MMS19: variants seen among roughly 807,000 people sequenced by gnomAD.
MMS19 encodes the protein MMS19 cytosolic iron-sulfur assembly component, also known as MMS19 nucleotide excision repair protein homolog.
Under a neutral mutation model 129.8 loss-of-function variants are expected in MMS19, and 77 were observed. The observed-to-expected ratio is 0.59, with a 90% CI of 0.49 to 0.72. MMS19 has a LOEUF of 0.72. MMS19 is among the 30% of genes least tolerant of loss of function. The pLI is 0.00. For synonymous variants in MMS19, 491 were observed against 502.8 expected, an observed-to-expected ratio of 0.98 and a Z score of 0.31; for missense variants, 1,168 against 1,266.3, an observed-to-expected ratio of 0.92 and a Z score of 1.18.
chr10:97,459,959 A>T, intron 26 of MMS19, 87 bp downstream of exon 26: 1 of 1,415,854 alleles, frequency 7.1e-7, no homozygotes, highest in Non-Finnish European at 9.8e-7. Context: ...GCTCTAAAGA[A>T]GCAAGCGGGC....
chr10:97,477,380 T>C lies in MMS19; in HGVS notation c.460A>G (p.Ile154Val), dbSNP rs750820218. Residue 154 changes from isoleucine to valine, a missense_variant, in exon 6 of 31, where the codon ATC (isoleucine) becomes GTC (valine). Transcript: ENST00000438925. ...PQVDRHTVYN[I>V]ITNFMRTREE... ...CGGGTTCGCATAAAATTGGTGATGA[T>C]ATTGTAGACTGTGTGTCGGTCCACC... The C allele has an allele frequency of 5.6e-6, 9 of 1,613,918 alleles. No homozygotes were observed. The South Asian group carries it at 8.8e-5, about 16-fold the overall frequency.
Position 97,465,891 on chromosome 10 carries a change from T to C in MMS19, c.1670A>G (p.Gln557Arg), listed in dbSNP as rs141183437. The change falls in exon 18 of 31, where the codon CAA becomes CGA. Residue 557 changes from glutamine (Q) to arginine (R), a missense_variant. By Grantham distance (43) the Gln-to-Arg change is conservative (BLOSUM62 1). Around this residue, in one of 3 missense-constraint regions of MMS19, gnomAD observed 831 missense variants for 910.8 expected, o/e 0.91. Coordinates refer to ENST00000438925, the MANE Select transcript of MMS19 (RefSeq NM_022362.5). The part of the protein sequence containing the change: ...TQCSRHLCCL[Q>R]ALSAVSTHPS... Reference sequence around the variant, plus strand: ...ATGTGTTGATACAGCTGACAAGGCTTGCAGACAGCACAGATGCCGGGAGCA... The same window carrying C: ...ATGTGTTGATACAGCTGACAAGGCTCGCAGACAGCACAGATGCCGGGAGCA... The C allele has an allele frequency of 5.6e-6, 9 of 1,613,832 alleles. No individual in the cohort carries two copies. The highest frequency in any genetic ancestry group is 1.7e-5 in the Admixed American group (1 of 59,994).
intron 3 of MMS19, chr10:97,480,215 C>A: frequency 2.2e-6 from 1 of 457,276 alleles, no homozygotes; most frequent in Non-Finnish European, 4.5e-6. Context: ...TCAGACACCG[C>A]CTCCTCCAGC....
In MMS19 at chr10:97,476,924, A is replaced by G. The variant is rs757987962; in HGVS notation, c.533T>C (p.Ile178Thr). ...SLGADFTFGF[I>T]QVMDGEKDPR... ...ATCCTTTTCCCCATCCATCACCTGG[A>G]TGAAGCCAAAGGTGAAGTCAGCTCC... Residue 178 changes from isoleucine to threonine, a missense_variant, in exon 7 of 31, where the codon ATC (isoleucine) becomes ACC (threonine). Physicochemically the swap from Ile to Thr is moderately conservative, Grantham distance 89 (BLOSUM62 -1). Transcript: ENST00000438925. The G allele has an allele frequency of 4.3e-6, 7 of 1,613,916 alleles. No homozygotes were observed. Among genetic ancestry groups the G allele is most frequent in the Non-Finnish European group, 5.9e-6 (7 of 1,179,826 alleles).
chr10:97,477,235 C>T, intron 6 of MMS19, 112 bp downstream of exon 6: 1 of 1,571,124 alleles, frequency 6.4e-7, no homozygotes, highest in Non-Finnish European at 8.6e-7. Flanking sequence ...TTATCATTCT[C>T]TCTCAGGATA....
At chr10:97,487,697 C>T (rs1240517751) in intron 1 of MMS19, among the ~76,000 whole-genome samples, 1 of 151,922 alleles carries the variant, frequency 6.6e-6, no homozygotes, top group Non-Finnish European at 1.5e-5. Flanking sequence ...AGATTTTCTA[C>T]AAGGCAAAAA....
intron 1 of MMS19, among the ~76,000 whole-genome samples, chr10:97,492,790 C>G (rs1019793892): frequency 6.8e-6 from 1 of 146,324 alleles, no homozygotes; most frequent in Non-Finnish European, 1.5e-5. Context: ...ACCCAGGAGG[C>G]TAAAGTTGCA....
intron 27 of MMS19, 60 bp downstream of exon 27, chr10:97,459,598 AG>A: frequency 6.3e-7 from 1 of 1,599,558 alleles, no homozygotes; most frequent in Non-Finnish European, 8.5e-7. Context: ...TCCCCTTTCT[AG>A]CCCCATCTGG....
Position 97,467,487 on chromosome 10 carries a change from A to G in MMS19, c.1297+18T>C. The G allele has an allele frequency of 6.3e-7, 1 of 1,594,650 alleles. No individual in the cohort carries two copies. The highest frequency in any genetic ancestry group is 8.6e-7 in the Non-Finnish European group (1 of 1,162,468). The stretch of plus-strand genomic sequence containing the variant: ...TGTTCAACAGTCCCCAGAGCACTGC[A>G]ATGGAAGGCAACCTCACCTTTGTCT... On this transcript the variant is annotated intron_variant, in intron 14 of 30. Transcript: ENST00000438925.
chr10:97,469,476 C>T (rs1239557026), intron 11 of MMS19, among the ~76,000 whole-genome samples, 170 bp downstream of exon 11: 2 of 152,192 alleles, frequency 1.3e-5, no homozygotes, highest in Admixed American at 6.5e-5. Flanking sequence ...CATAGGGACT[C>T]TCTCTCTTGT....
chr10:97,491,638 G>A (rs940024563), intron 1 of MMS19, among the ~76,000 whole-genome samples: 2 of 152,128 alleles, frequency 1.3e-5, no homozygotes, highest in African/African-American at 2.4e-5. Flanking sequence ...GCGATAGAGC[G>A]AGACTCCGTC....
At chr10:97,496,945 T>G (rs2039909949) in intron 1 of MMS19, among the ~76,000 whole-genome samples, 1 of 152,334 alleles carries the variant, frequency 6.6e-6, no homozygotes, top group Non-Finnish European at 1.5e-5. Context: ...AGTGATGTGC[T>G]CCTTATAAAA....
Position 97,464,010 on chromosome 10 carries a change from T to G in MMS19, c.1760A>C (p.Asn587Thr). ...LQHLWQVNRGNMVAQSSDVIA... is the reference protein window; with the variant it reads ...LQHLWQVNRGTMVAQSSDVIA... ...AACGTCACTGGATTGTGCAACCATA[T>G]TCCCTGTTGATGAGAAAGTGTTCTC... The change falls in exon 19 of 31, where the codon AAT (asparagine) becomes ACT (threonine). Residue 587 changes from asparagine (N) to threonine (T), a missense_variant. Asn to Thr is a moderately conservative substitution (Grantham distance 65). Coordinates refer to ENST00000438925, the MANE Select transcript of MMS19 (RefSeq NM_022362.5). The G allele has an allele frequency of 6.2e-7, 1 of 1,612,272 alleles. No homozygotes were observed. The highest frequency in any genetic ancestry group is 8.5e-7 in the Non-Finnish European group (1 of 1,179,168).
chr10:97,484,183 A>AT (rs2135472488), intron 1 of MMS19, 32 bp from the exon 2 acceptor site: 1 of 1,378,536 alleles, frequency 7.3e-7, no homozygotes, highest in South Asian at 1.4e-5. Flanking sequence ...AATATGAAAA[A>AT]TAAAAAAAAA....
intron 24 of MMS19, 33 bp downstream of exon 24, chr10:97,460,874 T>A: frequency 6.5e-7 from 1 of 1,548,868 alleles, no homozygotes; most frequent in Non-Finnish European, 8.8e-7. Flanking sequence ...TAATTGCCTC[T>A]CTGGCTAACC....
chr10:97,459,626 C>T, intron 27 of MMS19, 33 bp downstream of exon 27: 2 of 1,599,854 alleles, frequency 1.3e-6, no homozygotes, highest in East Asian at 2.3e-5. Flanking sequence ...ATAGCTTTGT[C>T]CTTTGCTTAG....
At chr10:97,492,193 G>C (rs1279921279) in intron 1 of MMS19, among the ~76,000 whole-genome samples, 1 of 150,268 alleles carries the variant, frequency 6.7e-6, no homozygotes, top group African/African-American at 2.5e-5. Flanking sequence ...AAATGAGGCC[G>C]GGCGCGGTGG....
chr10:97,478,399 C>A lies in MMS19; in HGVS notation c.263-10G>T. The A allele has an allele frequency of 6.3e-7, 1 of 1,594,294 alleles. No individual in the cohort carries two copies. The highest frequency in any genetic ancestry group is 8.6e-7 in the Non-Finnish European group (1 of 1,168,874). On this transcript the variant is annotated splice_polypyrimidine_tract_variant and intron_variant, in intron 3 of 30. Transcript: ENST00000438925. ...AGTATCAGGTGTACCACTGCACAAA[C>A]CAGATTCAGCCATTAGTTGACATAG...
At chr10:97,489,676 T>C (rs2038545252) in intron 1 of MMS19, among the ~76,000 whole-genome samples, 1 of 152,236 alleles carries the variant, frequency 6.6e-6, no homozygotes, top group Admixed American at 6.5e-5. Context: ...CAGTTAGTCA[T>C]CTTGAATTCT....
Sources: gnomAD v4.1 joint callset for allele counts (sites outside exome capture counted in the v4.1 genomes callset) on GRCh38, gnomAD v4.1.1 for gene constraint, gnomAD v4.1.1 regional missense constraint, MANE v1.5 for transcripts, NCBI Gene and HGNC (gene_info 2026-07-23, HGNC 2026-07-21) for gene names.